MYT1L: variants seen among roughly 807,000 people sequenced by gnomAD.
MYT1L encodes the protein myelin transcription factor 1 like, also known as myelin transcription factor 1-like protein.
A neutral mutation model predicts 126.7 loss-of-function variants in MYT1L; 12 were observed. The ratio of observed to expected loss-of-function variants is 0.09; its 90% confidence interval spans 0.06 to 0.15. The LOEUF (loss-of-function observed/expected upper bound fraction) is 0.15, where lower values mean the gene tolerates loss of function less well. Among genes scored for constraint, MYT1L ranks in the 10% least tolerant of loss-of-function variants. MYT1L has a pLI of 1.00. For missense variants in MYT1L, 979 were observed against 1,585.2 expected, an observed-to-expected ratio of 0.62 and a Z score of 6.49; for synonymous variants, 541 against 604.2, an observed-to-expected ratio of 0.90 and a Z score of 1.53.
intron 18 of MYT1L, among the ~76,000 whole-genome samples, chr2:1,874,226 A>G (rs4305302): frequency 0.32 from 47,892 of 151,564 alleles, 9,214 homozygotes; most frequent in African/African-American, 0.55. Flanking sequence ...TTTTAAATGT[A>G]GGAGGTGAAT....
chr2:2,192,986 A>G (rs1209054903), intron 2 of MYT1L, among the ~76,000 whole-genome samples: 1 of 152,068 alleles, frequency 6.6e-6, no homozygotes, highest in Non-Finnish European at 1.5e-5. Context: ...TTCTTAAGAC[A>G]GAGTCTCACT....
At chr2:2,054,528 G>T (rs2150106919) in intron 3 of MYT1L, among the ~76,000 whole-genome samples, 1 of 151,994 alleles carries the variant, frequency 6.6e-6, no homozygotes, top group Non-Finnish European at 1.5e-5. Context: ...GAGATCCATG[G>T]GGATGATAAG....
At chr2:2,001,835 C>T (rs186585370) in intron 4 of MYT1L, among the ~76,000 whole-genome samples, 168 of 152,224 alleles carry the variant, frequency 1.1e-3, no homozygotes, top group Admixed American at 0.01. Context: ...AACCTGGTAC[C>T]CCGGGGATTC....
intron 2 of MYT1L, among the ~76,000 whole-genome samples, chr2:2,273,276 A>G (rs906257040): frequency 2.0e-5 from 3 of 152,158 alleles, no homozygotes; most frequent in Non-Finnish European, 4.4e-5. Context: ...GAGAAGAAAA[A>G]CAAAATGAGT....
intron 14 of MYT1L, among the ~76,000 whole-genome samples, chr2:1,894,201 A>G (rs2049286670): frequency 6.6e-6 from 1 of 152,224 alleles, no homozygotes; most frequent in South Asian, 2.1e-4. Flanking sequence ...AGTGTCCCTC[A>G]GTGTGCCCCT....
At position 1,943,468 on chromosome 2, in the gene MYT1L, C is replaced by CATGTTTGTGA; in HGVS notation, c.153-135_153-134insTCACAAACAT. ...ATCATGAATGTCATCAGCACAAACA[C>CATGTTTGTGA]CAGAGAGACATAACATACATGTTCC... On this transcript the variant is annotated intron_variant, in intron 8 of 24. Transcript: ENST00000647738. The surrounding 1 kb of genome is among the most constrained non-coding windows in gnomAD (Gnocchi z 4.4). The CATGTTTGTGA allele has an allele frequency of 9.5e-7, 1 of 1,047,672 alleles. No homozygotes were observed. The highest frequency in any genetic ancestry group is 1.3e-6 in the Non-Finnish European group (1 of 752,310). 64.9% of individuals were successfully genotyped at this position (1,047,672 alleles called of 1,614,324 possible). A position where few individuals can be genotyped will look rare whatever the true frequency, so the allele number is the denominator to read the frequency against.
chr2:2,209,392 C>A (rs905036378), intron 2 of MYT1L, among the ~76,000 whole-genome samples: 2 of 152,124 alleles, frequency 1.3e-5, no homozygotes, highest in African/African-American at 4.8e-5. Context: ...TCCCCTACCC[C>A]CTGCCCCACC....
At chr2:2,133,221 C>A (rs922327203) in intron 3 of MYT1L, among the ~76,000 whole-genome samples, 1 of 152,110 alleles carries the variant, frequency 6.6e-6, no homozygotes, top group Admixed American at 6.6e-5. Flanking sequence ...CAGTGTAAAG[C>A]GATGATCTAT....
At chr2:1,880,511 T>C (rs2047397263) in intron 18 of MYT1L, among the ~76,000 whole-genome samples, 1 of 152,186 alleles carries the variant, frequency 6.6e-6, no homozygotes, top group Admixed American at 6.5e-5. Flanking sequence ...TAACTGACTG[T>C]AGATGGGGCA....
At chr2:2,200,455 T>C (rs1301949524) in intron 2 of MYT1L, among the ~76,000 whole-genome samples, 1 of 151,976 alleles carries the variant, frequency 6.6e-6, no homozygotes, top group East Asian at 1.9e-4. Flanking sequence ...ACACATCACC[T>C]GAACATCTGT....
At chr2:1,936,818 C>G (rs931707957) in intron 9 of MYT1L, among the ~76,000 whole-genome samples, 5 of 152,172 alleles carry the variant, frequency 3.3e-5, no homozygotes, top group African/African-American at 1.2e-4. Context: ...CCCTCACCCC[C>G]TCCATGCTGT....
chr2:1,880,715 G>A (rs1481391981), intron 18 of MYT1L, among the ~76,000 whole-genome samples: 1 of 152,216 alleles, frequency 6.6e-6, no homozygotes, highest in Non-Finnish European at 1.5e-5. Flanking sequence ...CTGAGGCACA[G>A]GGAGATTGAC....
intron 4 of MYT1L, among the ~76,000 whole-genome samples, chr2:2,016,555 T>A (rs1228251806): frequency 1.3e-5 from 2 of 152,148 alleles, no homozygotes; most frequent in Non-Finnish European, 2.9e-5. Flanking sequence ...TAACCAGGAA[T>A]CCAACACCCT....
chr2:2,101,673 C>G (rs1485486112), intron 3 of MYT1L, among the ~76,000 whole-genome samples: 5 of 151,996 alleles, frequency 3.3e-5, no homozygotes, highest in Non-Finnish European at 7.4e-5. Context: ...TCCACTCATC[C>G]ACCAATTCAT....
At chr2:1,937,784 G>A (rs1303171560) in intron 9 of MYT1L, among the ~76,000 whole-genome samples, 1 of 152,194 alleles carries the variant, frequency 6.6e-6, no homozygotes, top group Admixed American at 6.5e-5. Context: ...CCATCAGATC[G>A]CACGTGGAGA....
In MYT1L at chr2:1,793,995, C is replaced by T. The variant is rs757029105; in HGVS notation, c.3277-1531G>A. ...AGCTGGTGGCAGCTGTGGCTGGGAC[C>T]TTACTAGAGATGATGTCAGTGTAAG... On this transcript the variant is annotated intron_variant, in intron 23 of 24. Coordinates refer to ENST00000647738, the MANE Select transcript of MYT1L (RefSeq NM_001303052.2). The surrounding 1 kb of genome is among the most constrained non-coding windows in gnomAD (Gnocchi z 4.6). Among the ~76,000 whole-genome samples the T allele has an allele frequency of 6.6e-6, 1 of 152,128 alleles. No homozygotes were observed. Among genetic ancestry groups the T allele is most frequent in the African/African-American group, 2.4e-5 (1 of 41,434 alleles).
intron 4 of MYT1L, among the ~76,000 whole-genome samples, chr2:2,046,545 A>AT: frequency 6.6e-6 from 1 of 152,288 alleles, no homozygotes; most frequent in South Asian, 2.1e-4. Flanking sequence ...CATTCAATCA[A>AT]TTTTTACCAC....
chr2:2,292,190 G>A (rs1024809994), intron 1 of MYT1L, among the ~76,000 whole-genome samples: 2 of 152,210 alleles, frequency 1.3e-5, no homozygotes, highest in Non-Finnish European at 2.9e-5. Context: ...GAGTGACTGG[G>A]GGCGGGCGCA....
intron 3 of MYT1L, among the ~76,000 whole-genome samples, chr2:2,162,630 T>C (rs1305091182): frequency 6.6e-6 from 1 of 152,188 alleles, no homozygotes; most frequent in Non-Finnish European, 1.5e-5. Flanking sequence ...TGCACGGTTT[T>C]CATGGCCCTG....
Sources: gnomAD v4.1 joint callset for allele counts (sites outside exome capture counted in the v4.1 genomes callset) on GRCh38, gnomAD v4.1.1 for gene constraint, Gnocchi (gnomAD v3.1) non-coding constraint, MANE v1.5 for transcripts, NCBI Gene and HGNC (gene_info 2026-07-23, HGNC 2026-07-21) for gene names.